NUP205: variants seen among roughly 807,000 people sequenced by gnomAD.
NUP205 encodes nuclear pore complex protein Nup205.
A neutral mutation model predicts 253.8 loss-of-function variants in NUP205; 76 were observed. The ratio of observed to expected loss-of-function variants is 0.30; its 90% CI spans 0.25 to 0.36. The LOEUF (loss-of-function observed/expected upper bound fraction) is 0.36, where lower values mean the gene tolerates loss of function less well. Among genes scored for constraint, NUP205 ranks in the 10% least tolerant of loss-of-function variants. The probability of loss-of-function intolerance (pLI) is 1.00; values close to 1 mark genes in which losing one functional copy is unlikely to be tolerated. For synonymous variants in NUP205, 832 were observed against 850.1 expected (o/e 0.98, Z 0.37); for missense variants, 2,162 against 2,425.5 (o/e 0.89, Z 2.28).
intron 6 of NUP205, among the ~76,000 whole-genome samples, 184 bp downstream of exon 6, chr7:135,578,208 T>C (rs1806206648): frequency 6.6e-6 from 1 of 152,244 alleles, no homozygotes; most frequent in Non-Finnish European, 1.5e-5. Context: ...GTCCTGTTAA[T>C]TATTTCTGTT....
At chr7:135,619,086 G>A (rs1270206901) in intron 28 of NUP205, among the ~76,000 whole-genome samples, 1 of 152,122 alleles carries the variant, frequency 6.6e-6, no homozygotes, top group Admixed American at 6.5e-5. Flanking sequence ...TTAATGGGCT[G>A]TGTGCAGTGA....
intron 15 of NUP205, chr7:135,598,912 A>G (rs969899844): frequency 6.6e-6 from 1 of 152,228 alleles, no homozygotes; most frequent in Non-Finnish European, 1.5e-5. Flanking sequence ...AGACTCTTCC[A>G]GGTTCTGATG....
At chr7:135,600,771 C>G in intron 15 of NUP205, 99 bp from the exon 16 acceptor site, 1 of 600,632 alleles carries the variant, frequency 1.7e-6, no homozygotes. Context: ...AGAAACTTCA[C>G]TCATTTTCTG....
At chr7:135,643,991 T>C (rs1295981833) in intron 39 of NUP205, among the ~76,000 whole-genome samples, 3 of 152,252 alleles carry the variant, frequency 2.0e-5, no homozygotes, top group Admixed American at 2.0e-4. Flanking sequence ...CACCAAGTTT[T>C]CTAAAAACTT....
rs145414092 is a variant in NUP205, at chr7:135,570,029, TTATATATA to T, written c.29-1059_29-1052del. 7.2e-3 allele frequency among the ~76,000 whole-genome samples: 706 copies of T among 98,532 alleles called. 9 individuals carry two copies. Among genetic ancestry groups the T allele is most frequent in the Non-Finnish European group, 8.1e-3 (429 of 52,656 alleles). The allele number at this position is 98,532 out of a possible 152,430, so 64.6% of individuals were successfully genotyped here. On this transcript the variant is annotated intron_variant, in intron 1 of 42. Coordinates refer to ENST00000285968, the MANE Select transcript of NUP205 (RefSeq NM_015135.3). ...CTTTGAAGCAGATGGTGTTTATGTTTTATATATATATATATATATATATAGAGAGAGAG... is the reference window on the plus strand; with the variant it reads ...CTTTGAAGCAGATGGTGTTTATGTTTTATATATATATATATAGAGAGAGAG...
intron 35 of NUP205, among the ~76,000 whole-genome samples, chr7:135,632,962 G>C (rs896018805): frequency 1.3e-5 from 2 of 151,876 alleles, no homozygotes; most frequent in African/African-American, 4.8e-5. Flanking sequence ...TTGTTTGTTT[G>C]TTTTTGTTTT....
In NUP205 at chr7:135,616,007, A is replaced by G. The variant is rs1179080417; in HGVS notation, c.3402A>G (p.Ser1134=). Residue 1134 remains serine, a synonymous_variant, in exon 24 of 43, where the codon TCA becomes TCG. Coordinates refer to ENST00000285968, the MANE Select transcript of NUP205 (RefSeq NM_015135.3). The part of the protein sequence containing the change: ...LRVTSLNRQR[S]HTQRLLHLLL... ...TAACCTCTCTGAATCGTCAGCGGTC[A>G]CATACCCAGAGGCTCCTACACCTCT... The G allele has an allele frequency of 6.2e-7, 1 of 1,613,944 alleles. No homozygotes were observed. The highest frequency in any genetic ancestry group is 8.5e-7 in the Non-Finnish European group (1 of 1,179,842).
intron 24 of NUP205, 78 bp from the exon 25 acceptor site, chr7:135,616,577 G>A (rs56870118): frequency 0.035 from 27,236 of 787,486 alleles, 582 homozygotes; most frequent in Middle Eastern, 0.074. Context: ...AAGATACCTT[G>A]TGTTTGTTAT....
intron 17 of NUP205, 24 bp downstream of exon 17, chr7:135,601,531 T>C: frequency 6.3e-7 from 1 of 1,597,714 alleles, no homozygotes; most frequent in East Asian, 2.2e-5. Context: ...AGCCTTCATG[T>C]CTTGCAAACA....
intron 10 of NUP205, 25 bp downstream of exon 10, chr7:135,588,017 T>G (rs1806520927): frequency 6.3e-7 from 1 of 1,594,210 alleles, no homozygotes; most frequent in Non-Finnish European, 8.5e-7. Context: ...TTTCCTCTTT[T>G]ATACTCTGGT....
In NUP205 at chr7:135,616,632, CAAT is replaced by C; in HGVS notation, c.3461-21_3461-19del. 1 of 1,389,630 alleles carries C rather than the reference CAAT, an allele frequency of 7.2e-7. No individual in the cohort carries two copies. Among genetic ancestry groups the C allele is most frequent in the Non-Finnish European group, 9.8e-7 (1 of 1,019,850 alleles). 86.1% of individuals were successfully genotyped at this position (1,389,630 alleles called of 1,614,324 possible). A position where few individuals can be genotyped will look rare whatever the true frequency, so the allele number is the denominator to read the frequency against. ...AGAGTATGTTCTTCTTTTTCTGATTCAATATTATTGATATTCCAACAGATGGTG... is the reference window on the plus strand; with the variant it reads ...AGAGTATGTTCTTCTTTTTCTGATTCATTATTGATATTCCAACAGATGGTG... On this transcript the variant is annotated intron_variant, in intron 24 of 42. Coordinates refer to ENST00000285968, the MANE Select transcript of NUP205 (RefSeq NM_015135.3).
At chr7:135,610,265 A>T in intron 22 of NUP205, among the ~76,000 whole-genome samples, 1 of 152,204 alleles carries the variant, frequency 6.6e-6, no homozygotes, top group East Asian at 1.9e-4. Flanking sequence ...TCTATTGCCC[A>T]GGTGGAGTGC....
chr7:135,648,470 T>G lies in NUP205; in HGVS notation c.5953T>G (p.Leu1985Val), dbSNP rs751130122. 1 of 1,608,438 alleles carries G rather than the reference T, an allele frequency of 6.2e-7. No individual in the cohort carries two copies. The highest frequency in any genetic ancestry group is 1.7e-5 in the Admixed American group (1 of 58,402). ...LQKKLLDIEG[L>V]YSKVRSRYSF... Reference sequence around the variant, plus strand: ...AAAGAAACTTCTGGACATTGAAGGATTATATTCAAAAGTTCGATCTCGATA... The same window carrying G: ...AAAGAAACTTCTGGACATTGAAGGAGTATATTCAAAAGTTCGATCTCGATA... Residue 1985 changes from leucine (L) to valine (V), a missense_variant, in exon 43 of 43, where the codon TTA (leucine) becomes GTA (valine). Leu to Val is a conservative substitution (Grantham distance 32). Around this residue, in one of 5 missense-constraint regions of NUP205, gnomAD observed 1,144 missense variants for 1,280.9 expected, o/e 0.89. Coordinates refer to ENST00000285968, the MANE Select transcript of NUP205 (RefSeq NM_015135.3).
intron 1 of NUP205, among the ~76,000 whole-genome samples, chr7:135,570,393 T>C (rs1805923432): frequency 6.6e-6 from 1 of 151,436 alleles, no homozygotes; most frequent in African/African-American, 2.4e-5. Flanking sequence ...TTTTGTATTT[T>C]TAGTAGAGAC....
At chr7:135,564,073 GT>G (rs1173969729) in intron 1 of NUP205, among the ~76,000 whole-genome samples, 1 of 148,502 alleles carries the variant, frequency 6.7e-6, no homozygotes, top group Non-Finnish European at 1.5e-5. Flanking sequence ...TACCTTTGGT[GT>G]TTTTTTTTTC....
intron 8 of NUP205, among the ~76,000 whole-genome samples, chr7:135,586,585 G>A (rs1404557818): frequency 6.6e-5 from 10 of 151,984 alleles, no homozygotes; most frequent in Admixed American, 1.3e-4. Flanking sequence ...TCCAATCACT[G>A]CTTTAGCTAT....
At chr7:135,605,880 A>G (rs1483013263) in intron 19 of NUP205, among the ~76,000 whole-genome samples, 2 of 149,084 alleles carry the variant, frequency 1.3e-5, no homozygotes, top group Non-Finnish European at 3.0e-5. Context: ...AACTAGCTTG[A>G]TGCTTTGGGA....
chr7:135,648,400 C>G lies in NUP205; in HGVS notation c.5887-4C>G, dbSNP rs1795054693. 1 of 1,562,620 alleles carries G rather than the reference C, an allele frequency of 6.4e-7. No homozygotes were observed. Among genetic ancestry groups the G allele is most frequent in the Non-Finnish European group, 8.6e-7 (1 of 1,160,746 alleles). On this transcript the variant is annotated splice_region_variant and splice_polypyrimidine_tract_variant and intron_variant, in intron 42 of 42. Coordinates refer to ENST00000285968, the MANE Select transcript of NUP205 (RefSeq NM_015135.3). Reference sequence around the variant, plus strand: ...TAACAAAATGTCTTTTGTGTCACCGCTAGCTTCAGGCTGATGCAATCAACG... The same window carrying G: ...TAACAAAATGTCTTTTGTGTCACCGGTAGCTTCAGGCTGATGCAATCAACG...
intron 1 of NUP205, among the ~76,000 whole-genome samples, chr7:135,564,762 A>G (rs1264759549): frequency 1.3e-5 from 2 of 150,276 alleles, no homozygotes; most frequent in Non-Finnish European, 3.0e-5. Flanking sequence ...TTTATTGTTG[A>G]GTTTTTTTGT....
Sources: allele counts gnomAD v4.1 joint callset (sites outside exome capture counted in the v4.1 genomes callset), GRCh38; gene constraint gnomAD v4.1.1; regional missense constraint gnomAD v4.1.1; transcripts MANE v1.5; gene names NCBI Gene and HGNC (gene_info 2026-07-23, HGNC 2026-07-21).